MAGI2: variants seen among roughly 807,000 people sequenced by gnomAD.
MAGI2 encodes membrane associated guanylate kinase, WW and PDZ domain containing 2.
MAGI2 carries 35 observed loss-of-function variants against 133.3 expected under a neutral mutation model. That is an observed-to-expected ratio of 0.26 (90% CI 0.20 to 0.35). The LOEUF is 0.35. Among genes scored for constraint, MAGI2 ranks in the 10% least tolerant of loss-of-function variants. MAGI2 has a pLI of 1.00. For missense variants in MAGI2, 1,636 were observed against 1,863.4 expected (o/e 0.88, Z 2.25); for synonymous variants, 729 against 710.6 (o/e 1.03, Z -0.41).
intron 1 of MAGI2, among the ~76,000 whole-genome samples, chr7:79,129,637 A>G (rs1421774060): frequency 1.3e-5 from 2 of 152,222 alleles, no homozygotes; most frequent in African/African-American, 4.8e-5. Flanking sequence ...AGCCATTTCA[A>G]TAGGGATGCT....
chr7:79,116,762 A>T (rs997923277), intron 1 of MAGI2, among the ~76,000 whole-genome samples: 2 of 152,140 alleles, frequency 1.3e-5, no homozygotes, highest in Admixed American at 6.5e-5. Flanking sequence ...TCCACCCAAC[A>T]TCTGGTTGTT....
At chr7:79,073,084 T>TA (rs1258576405) in intron 1 of MAGI2, among the ~76,000 whole-genome samples, 2 of 152,046 alleles carry the variant, frequency 1.3e-5, no homozygotes, top group Non-Finnish European at 2.9e-5. Context: ...AGATGCTGTA[T>TA]AAAAAAAGAG....
intron 1 of MAGI2, among the ~76,000 whole-genome samples, chr7:79,044,637 A>G (rs370948838): frequency 3.3e-5 from 5 of 152,172 alleles, no homozygotes; most frequent in African/African-American, 9.7e-5. Flanking sequence ...CAAACTATCT[A>G]TTTTGGCAGA....
At chr7:78,602,722 G>A (rs1307725698) in intron 3 of MAGI2, among the ~76,000 whole-genome samples, 3 of 152,052 alleles carry the variant, frequency 2.0e-5, no homozygotes, top group Non-Finnish European at 2.9e-5. Context: ...GTGAAATGGG[G>A]AAAAATATCT....
intron 9 of MAGI2, among the ~76,000 whole-genome samples, chr7:78,313,534 T>C (rs1798900492): frequency 6.6e-6 from 1 of 151,794 alleles, no homozygotes; most frequent in African/African-American, 2.4e-5. Context: ...AATATTAAAA[T>C]CTAAGTATGT....
chr7:78,235,659 C>A (rs979247843), intron 10 of MAGI2, among the ~76,000 whole-genome samples: 3 of 152,134 alleles, frequency 2.0e-5, no homozygotes, highest in African/African-American at 7.2e-5. Flanking sequence ...TCCAGCCCTG[C>A]AGAACCGTGA....
intron 2 of MAGI2, among the ~76,000 whole-genome samples, chr7:78,650,370 G>A (rs1383547979): frequency 6.6e-6 from 1 of 152,182 alleles, no homozygotes; most frequent in Non-Finnish European, 1.5e-5. Context: ...GCTATAGAAT[G>A]GGTTGGGTGG....
At chr7:78,683,937 T>C (rs1815979969) in intron 2 of MAGI2, among the ~76,000 whole-genome samples, 1 of 152,224 alleles carries the variant, frequency 6.6e-6, no homozygotes, top group Non-Finnish European at 1.5e-5. Flanking sequence ...ATCTTTGTGT[T>C]AAACTTACAG....
chr7:79,129,308 CTGAG>C (rs1820705299), intron 1 of MAGI2, among the ~76,000 whole-genome samples: 1 of 152,180 alleles, frequency 6.6e-6, no homozygotes, highest in South Asian at 2.1e-4. Flanking sequence ...ACACTTTCTA[CTGAG>C]TGTGTATCAC....
chr7:79,107,156 A>G (rs1562896816), intron 1 of MAGI2, among the ~76,000 whole-genome samples: 1 of 152,196 alleles, frequency 6.6e-6, no homozygotes, highest in Non-Finnish European at 1.5e-5. Context: ...CAGTCTAACC[A>G]CATGAATAAG....
intron 1 of MAGI2, among the ~76,000 whole-genome samples, chr7:79,026,025 C>G (rs192267227): frequency 1.3e-4 from 20 of 152,166 alleles, no homozygotes; most frequent in African/African-American, 4.6e-4. Flanking sequence ...ACTTACCAGG[C>G]ATACTGCTCT....
chr7:79,291,556 T>C (rs1439493123), intron 1 of MAGI2, among the ~76,000 whole-genome samples: 1 of 152,132 alleles, frequency 6.6e-6, no homozygotes, highest in Non-Finnish European at 1.5e-5. Context: ...CTCCATTTTC[T>C]CCATATACTC....
chr7:78,505,513 A>G (rs1250699513), intron 4 of MAGI2, among the ~76,000 whole-genome samples: 1 of 152,184 alleles, frequency 6.6e-6, no homozygotes, highest in Non-Finnish European at 1.5e-5. Context: ...AATTATACAT[A>G]CTGTGGTACG....
chr7:78,146,203 A>C (rs546315040), intron 16 of MAGI2, among the ~76,000 whole-genome samples: 1 of 151,972 alleles, frequency 6.6e-6, no homozygotes, highest in Admixed American at 6.6e-5. Flanking sequence ...TAAAGAAATG[A>C]GTGGGTCTGT....
At chr7:79,274,281 A>G (rs570814814) in intron 1 of MAGI2, among the ~76,000 whole-genome samples, 15 of 152,238 alleles carry the variant, frequency 9.9e-5, no homozygotes, top group African/African-American at 3.1e-4. Flanking sequence ...TTACCTTTGA[A>G]TCTGTACTAC....
rs1265673001 is a variant in MAGI2, at chr7:78,255,726, CTATTAT to C, written c.2047+211_2047+216del. 7 of 618,184 alleles carry C rather than the reference CTATTAT, an allele frequency of 1.1e-5. No individual in the cohort carries two copies. In the African/African-American group the frequency reaches 1.3e-4, roughly 11 times the overall value. 38.3% of individuals were successfully genotyped at this position (618,184 alleles called of 1,614,324 possible). The stretch of plus-strand genomic sequence containing the variant: ...CAATATGTCTGTAAGACTGAAAGAA[CTATTAT>C]TATTGTGTTTAATACAAAATAGAAA... On this transcript the variant is annotated intron_variant, in intron 10 of 21. Coordinates refer to ENST00000354212, the MANE Select transcript of MAGI2 (RefSeq NM_012301.4).
chr7:79,304,039 G>A (rs915531375), intron 1 of MAGI2, among the ~76,000 whole-genome samples: 4 of 152,070 alleles, frequency 2.6e-5, no homozygotes, highest in Non-Finnish European at 5.9e-5. Flanking sequence ...GGCTGAGAGA[G>A]GGACAGAATC....
At chr7:78,931,186 G>A (rs1469610966) in intron 2 of MAGI2, among the ~76,000 whole-genome samples, 1 of 152,102 alleles carries the variant, frequency 6.6e-6, no homozygotes, top group African/African-American at 2.4e-5. Context: ...AAGAGTGGCA[G>A]TCATTCTTAT....
intron 3 of MAGI2, among the ~76,000 whole-genome samples, chr7:78,612,719 G>C (rs528519433): frequency 7.2e-5 from 11 of 151,958 alleles, no homozygotes; most frequent in South Asian, 2.1e-4. Context: ...GCCCAGGCCG[G>C]AGTGCAGTGG....
Sources: allele counts gnomAD v4.1 joint callset (sites outside exome capture counted in the v4.1 genomes callset), GRCh38; gene constraint gnomAD v4.1.1; transcripts MANE v1.5; gene names NCBI Gene and HGNC (gene_info 2026-07-23, HGNC 2026-07-21).